The following TNPO3 variants were observed in gnomAD, a reference collection of about 807,000 sequenced individuals.
TNPO3 encodes transportin 3.
TNPO3 carries 65 observed loss-of-function variants against 122.8 expected under a neutral mutation model. The ratio of observed to expected loss-of-function variants is 0.53; its 90% confidence interval spans 0.43 to 0.65. The LOEUF (loss-of-function observed/expected upper bound fraction) is 0.65, where lower values mean the gene tolerates loss of function less well. Among genes scored for constraint, TNPO3 ranks in the 30% least tolerant of loss-of-function variants. TNPO3 has a pLI of 0.00. For missense variants in TNPO3, 850 were observed against 1,136.7 expected (o/e 0.75, Z 3.63); for synonymous variants, 372 against 411.2 (o/e 0.90, Z 1.15).
At chr7:128,979,318 A>G (rs1242803274) in intron 15 of TNPO3, among the ~76,000 whole-genome samples, 195 bp from the exon 16 acceptor site, 2 of 152,250 alleles carry the variant, frequency 1.3e-5, no homozygotes, top group South Asian at 2.1e-4. Flanking sequence ...AAGAGAAAAC[A>G]GTGCCTCTTT....
intron 3 of TNPO3, 40 bp from the exon 4 acceptor site, chr7:129,015,175 GA>G (rs1365243977): frequency 6.3e-7 from 1 of 1,588,240 alleles, no homozygotes; most frequent in African/African-American, 1.4e-5. Context: ...TTTATAGCCA[GA>G]AAATACACAA....
At chr7:129,015,156 GAT>G (rs1421080325) in intron 3 of TNPO3, 21 bp from the exon 4 acceptor site, 1 of 1,599,972 alleles carries the variant, frequency 6.3e-7, no homozygotes, top group Non-Finnish European at 8.5e-7. Context: ...AAAAAGTGGA[GAT>G]ATGTTATTTA....
chr7:129,011,638 A>G (rs967107381), intron 4 of TNPO3, among the ~76,000 whole-genome samples: 27 of 152,202 alleles, frequency 1.8e-4, no homozygotes, highest in Non-Finnish European at 7.3e-5. Flanking sequence ...CACCACGCCC[A>G]GCCTGTAAAG....
At chr7:128,994,571 A>T (rs1801106581) in intron 8 of TNPO3, among the ~76,000 whole-genome samples, 1 of 152,210 alleles carries the variant, frequency 6.6e-6, no homozygotes, top group Admixed American at 6.5e-5. Flanking sequence ...AGAGAAGGTC[A>T]GCTCTTTAGT....
intron 4 of TNPO3, 69 bp downstream of exon 4, chr7:129,014,910 A>T (rs576208602): frequency 6.8e-7 from 1 of 1,474,810 alleles, no homozygotes; most frequent in East Asian, 2.4e-5. Flanking sequence ...CAATAATGCA[A>T]TTGATTACAA....
At chr7:129,048,218 A>C (rs1808282320) in intron 1 of TNPO3, among the ~76,000 whole-genome samples, 1 of 152,180 alleles carries the variant, frequency 6.6e-6, no homozygotes, top group Admixed American at 6.5e-5. Flanking sequence ...TAACAGAGTG[A>C]GACCCTGTCT....
At chr7:128,957,153 C>G (rs1796979429) in intron 22 of TNPO3, 71 bp downstream of exon 22, 2 of 1,344,508 alleles carry the variant, frequency 1.5e-6, no homozygotes, top group African/African-American at 2.9e-5. Flanking sequence ...GGCATTAAAA[C>G]CTATCCCCAT....
At chr7:129,049,750 G>T (rs1038673553) in intron 1 of TNPO3, among the ~76,000 whole-genome samples, 30 of 152,206 alleles carry the variant, frequency 2.0e-4, no homozygotes, top group African/African-American at 7.2e-4. Flanking sequence ...GAAAGCTAAA[G>T]GACAGTGTTA....
chr7:128,991,377 A>G (rs1048204819), intron 10 of TNPO3, among the ~76,000 whole-genome samples: 2 of 152,196 alleles, frequency 1.3e-5, no homozygotes, highest in Non-Finnish European at 2.9e-5. Flanking sequence ...TCAGGTCACA[A>G]TTCAGCGTGG....
chr7:128,996,597 G>C (rs1423941870), intron 8 of TNPO3, among the ~76,000 whole-genome samples: 2 of 151,848 alleles, frequency 1.3e-5, no homozygotes, highest in Non-Finnish European at 2.9e-5. Flanking sequence ...CAAATAATTA[G>C]CCTGGCATGG....
chr7:129,056,151 G>A (rs541171102), upstream of TNPO3: 7 of 951,180 alleles, frequency 7.4e-6, no homozygotes, highest in African/African-American at 3.2e-5. Context: ...TTGTGCTCTC[G>A]CCACTGCGTA....
chr7:128,991,307 TA>T (rs1178418193), intron 10 of TNPO3, among the ~76,000 whole-genome samples: 1 of 152,200 alleles, frequency 6.6e-6, no homozygotes, highest in Non-Finnish European at 1.5e-5. Flanking sequence ...GTGCTTTTTA[TA>T]AATATCTGCC....
intron 1 of TNPO3, chr7:129,041,740 A>G (rs1807399091): frequency 4.1e-6 from 4 of 985,516 alleles, no homozygotes; most frequent in Non-Finnish European, 4.8e-6. Context: ...AACATTTTCC[A>G]TTTAAGCATC....
chr7:129,039,490 G>A (rs1423150758), intron 1 of TNPO3, among the ~76,000 whole-genome samples: 1 of 152,076 alleles, frequency 6.6e-6, no homozygotes, highest in Non-Finnish European at 1.5e-5. Flanking sequence ...AGCTGGAGAG[G>A]CAGAGGTTGC....
chr7:128,957,676 G>A (rs1415487790), intron 21 of TNPO3, among the ~76,000 whole-genome samples: 1 of 152,188 alleles, frequency 6.6e-6, no homozygotes, highest in Non-Finnish European at 1.5e-5. Flanking sequence ...TCCACATACA[G>A]AGTGCTTATG....
Position 128,979,097 on chromosome 7 carries a change from TAG to T in TNPO3, c.1945_1946del (p.Leu649LysfsTer2), listed in dbSNP as rs1799376018. The T allele has an allele frequency of 1.2e-6, 2 of 1,614,054 alleles. No homozygotes were observed. Among genetic ancestry groups the T allele is most frequent in the African/African-American group, 1.3e-5 (1 of 74,936 alleles). On this transcript the variant is annotated frameshift_variant, in exon 16 of 23. Coordinates refer to ENST00000265388, the MANE Select transcript of TNPO3 (RefSeq NM_012470.4). LOFTEE classifies it high-confidence loss of function. Reference sequence around the variant, plus strand: ...TCCGATTATCAGCTCGGTGCTTATTTAGAGTCTCGGATAAAACTGGCCATATC... The same window carrying T: ...TCCGATTATCAGCTCGGTGCTTATTTAGTCTCGGATAAAACTGGCCATATC... Reference protein sequence around the residue: ...QEIWPVLSETLNKHRADNRIV... With the variant: ...QEIWPVLSETXNKHRADNRIV...
At chr7:129,036,663 G>A (rs1175385323) in intron 1 of TNPO3, among the ~76,000 whole-genome samples, 2 of 152,154 alleles carry the variant, frequency 1.3e-5, no homozygotes, top group Admixed American at 6.5e-5. Context: ...AGTTTAAGGA[G>A]TAGGGCTTTA....
intron 9 of TNPO3, among the ~76,000 whole-genome samples, chr7:128,992,339 T>C (rs1800831838): frequency 6.6e-6 from 1 of 152,072 alleles, no homozygotes; most frequent in East Asian, 1.9e-4. Context: ...CCCCAGAAAA[T>C]GACTACTATG....
intron 9 of TNPO3, among the ~76,000 whole-genome samples, chr7:128,992,844 A>G (rs1401551713): frequency 6.6e-6 from 1 of 152,124 alleles, no homozygotes; most frequent in Non-Finnish European, 1.5e-5. Flanking sequence ...TCCACAGACT[A>G]TATCTTGAAC....
Sources: allele counts gnomAD v4.1 joint callset (sites outside exome capture counted in the v4.1 genomes callset), GRCh38; gene constraint gnomAD v4.1.1; transcripts MANE v1.5; gene names NCBI Gene and HGNC (gene_info 2026-07-23, HGNC 2026-07-21).